SHC2: variants seen among roughly 807,000 people sequenced by gnomAD.
The protein encoded by SHC2 is SHC-transforming protein 2.
In SHC2, 62 loss-of-function variants were observed where a neutral mutation model predicts 60.6. The ratio of observed to expected loss-of-function variants is 1.02; its 90% CI spans 0.83 to 1.26. The LOEUF is 1.26. Ranked by LOEUF, SHC2 falls within the 50% of genes most tolerant of loss-of-function variation. The pLI is 0.00. For missense variants in SHC2, 873 were observed against 822.2 expected (o/e 1.06, Z -0.76); for synonymous variants, 375 against 372.4 (o/e 1.01, Z -0.08).
In SHC2 at chr19:453,396, C is replaced by G. The variant is rs1276550479; in HGVS notation, c.468+7133G>C. 6.6e-6 allele frequency among the ~76,000 whole-genome samples: 1 copy of G among 152,132 alleles called. No individual in the cohort carries two copies. The highest frequency in any genetic ancestry group is 2.4e-5 in the African/African-American group (1 of 41,418). Reference sequence around the variant, plus strand: ...GTGCTCCTCCTGCCTCAGTCTCCCACATAGCCGGGACCACAGGTGTGCACC... The same window carrying G: ...GTGCTCCTCCTGCCTCAGTCTCCCAGATAGCCGGGACCACAGGTGTGCACC... On this transcript the variant is annotated intron_variant, in intron 1 of 12. Transcript: ENST00000264554. This position sits in a 1 kb window ranked among gnomAD's most constrained non-coding sequence, Gnocchi z 6.3.
At chr19:427,770 C>G (rs1176518247) in intron 9 of SHC2, among the ~76,000 whole-genome samples, 1 of 74,432 alleles carries the variant, frequency 1.3e-5, no homozygotes, top group African/African-American at 6.0e-5. Context: ...GAATTGCGCA[C>G]GGCACAGGTA....
rs1281304922 is a variant in SHC2 at position 440,096 on chromosome 19, G to GCTCAGTGAGAGACGCCATA, written c.539+765_539+766insTATGGCGTCTCTCACTGAG. On this transcript the variant is annotated intron_variant, in intron 2 of 12. Transcript: ENST00000264554. This position sits in a 1 kb window ranked among gnomAD's most constrained non-coding sequence, Gnocchi z 7.0. ...CGCGGACACACCTCGGGAACGCCAT[G>GCTCAGTGAGAGACGCCATA]CTCAGTGAGAGACGCCAGACACACG... is the stretch of plus-strand genomic sequence containing the variant. Among the ~76,000 whole-genome samples the GCTCAGTGAGAGACGCCATA allele has an allele frequency of 6.6e-6, 1 of 151,520 alleles. No individual in the cohort carries two copies. Among genetic ancestry groups the GCTCAGTGAGAGACGCCATA allele is most frequent in the East Asian group, 1.9e-4 (1 of 5,168 alleles).
At chr19:429,241 G>T (rs1426898764) in intron 9 of SHC2, among the ~76,000 whole-genome samples, 6 of 145,050 alleles carry the variant, frequency 4.1e-5, no homozygotes, top group African/African-American at 1.5e-4. Flanking sequence ...GGATGACACA[G>T]TACCTATACC....
intron 9 of SHC2, 94 bp downstream of exon 9, chr19:430,590 G>T: frequency 1.1e-6 from 1 of 922,564 alleles, no homozygotes; most frequent in Non-Finnish European, 1.7e-6. Flanking sequence ...GAAATAAGCA[G>T]AGAGGAGAAA....
intron 7 of SHC2, chr19:435,799 C>T (rs1974700948): frequency 4.4e-6 from 1 of 225,236 alleles, no homozygotes. Context: ...TACCAGCACA[C>T]AGACACGTCC....
In SHC2 at chr19:440,773, C is replaced by A; in HGVS notation, c.539+89G>T. 8.6e-7 allele frequency: 1 copy of A among 1,161,918 alleles called. No homozygotes were observed. Among genetic ancestry groups the A allele is most frequent in the Non-Finnish European group, 1.3e-6 (1 of 777,220 alleles). The allele number at this position is 1,161,918 out of a possible 1,614,324, so 72.0% of individuals were successfully genotyped here. A position where few individuals can be genotyped will look rare whatever the true frequency, so the allele number is the denominator to read the frequency against. On this transcript the variant is annotated intron_variant, in intron 2 of 12. Transcript: ENST00000264554. This position sits in a 1 kb window ranked among gnomAD's most constrained non-coding sequence, Gnocchi z 7.0. The stretch of plus-strand genomic sequence containing the variant: ...CGTCCTGGGACCCCAGCGCGGCTGT[C>A]GGAGAGCCCATCGCTGCCGCCCTCC...
intron 1 of SHC2, among the ~76,000 whole-genome samples, chr19:442,292 G>A (rs372152085): frequency 6.6e-6 from 1 of 150,638 alleles, no homozygotes; most frequent in South Asian, 2.1e-4. Flanking sequence ...TGGATGGATG[G>A]GTAGATGGAT....
In SHC2 at chr19:441,610, G is replaced by A. The variant is rs886530699; in HGVS notation, c.469-678C>T. The stretch of plus-strand genomic sequence containing the variant: ...AGGGAGGGTAAGGGGCACAGCCCAC[G>A]TCATCTCTATGAAATGTCCTACAGA... On this transcript the variant is annotated intron_variant, in intron 1 of 12. Coordinates refer to ENST00000264554, the MANE Select transcript of SHC2 (RefSeq NM_012435.3). This position sits in a 1 kb window ranked among gnomAD's most constrained non-coding sequence, Gnocchi z 4.9. Among the ~76,000 whole-genome samples, 12 of 152,182 alleles carry A rather than the reference G, an allele frequency of 7.9e-5. No individual in the cohort carries two copies. The highest frequency in any genetic ancestry group is 1.0e-4 in the Non-Finnish European group (7 of 68,040).
chr19:429,766 G>A (rs567105402), intron 9 of SHC2, among the ~76,000 whole-genome samples: 119 of 148,716 alleles, frequency 8.0e-4, no homozygotes, highest in African/African-American at 2.8e-3. Context: ...ACCTAACACC[G>A]TGTGGATGAC....
intron 11 of SHC2, among the ~76,000 whole-genome samples, chr19:421,609 T>C (rs1052171779): frequency 6.6e-6 from 1 of 152,006 alleles, no homozygotes; most frequent in South Asian, 2.1e-4. Flanking sequence ...GTAAGGTGCA[T>C]AAGTCATGAT....
intron 1 of SHC2, among the ~76,000 whole-genome samples, chr19:455,103 T>G (rs1217322069): frequency 1.3e-5 from 2 of 152,232 alleles, no homozygotes; most frequent in Non-Finnish European, 2.9e-5. Context: ...GGCCTCATTT[T>G]GGGGTTCCAG....
rs1013079954 is a variant in SHC2 at position 438,416 on chromosome 19, C to T, written c.720+302G>A. On this transcript the variant is annotated intron_variant, in intron 4 of 12. Coordinates refer to ENST00000264554, the MANE Select transcript of SHC2 (RefSeq NM_012435.3). The surrounding 1 kb of genome is among the most constrained non-coding windows in gnomAD (Gnocchi z 5.0). ...TCCCCAGGCACTGTGGATGTTGGGACGGACCACTCTCTGGGGTGGGGCGTC... is the reference window on the plus strand; with the variant it reads ...TCCCCAGGCACTGTGGATGTTGGGATGGACCACTCTCTGGGGTGGGGCGTC... Among the ~76,000 whole-genome samples, 5 of 152,328 alleles carry T rather than the reference C, an allele frequency of 3.3e-5. No individual in the cohort carries two copies. The highest frequency in any genetic ancestry group is 1.9e-4 in the East Asian group (1 of 5,178).
intron 5 of SHC2, 85 bp from the exon 6 acceptor site, chr19:436,516 G>A (rs1319073767): frequency 5.7e-6 from 9 of 1,588,008 alleles, no homozygotes; most frequent in Non-Finnish European, 7.7e-6. Flanking sequence ...CAGAGAGATG[G>A]GGCAGTGGAT....
At chr19:437,811 G>C (rs1476931680) in intron 4 of SHC2, among the ~76,000 whole-genome samples, 2 of 151,992 alleles carry the variant, frequency 1.3e-5, no homozygotes, top group Non-Finnish European at 2.9e-5. Flanking sequence ...TCTCCGACAA[G>C]GCGATGCCTC....
rs1008315596 is a variant in SHC2, at chr19:440,713, G to A, written c.539+149C>T. ...CGTGGGGACAGGGCGGAGACGTGGC[G>A]TGAAGTGGGAGGGAGGTGGGGGGCA... On this transcript the variant is annotated intron_variant, in intron 2 of 12. Transcript: ENST00000264554. The surrounding 1 kb of genome is among the most constrained non-coding windows in gnomAD (Gnocchi z 7.0). The A allele has an allele frequency of 5.8e-6, 4 of 686,202 alleles. No individual in the cohort carries two copies. The highest frequency in any genetic ancestry group is 1.7e-5 in the South Asian group (1 of 60,566). The allele number at this position is 686,202 out of a possible 1,614,324, so 42.5% of individuals were successfully genotyped here.
intron 11 of SHC2, among the ~76,000 whole-genome samples, chr19:420,855 A>T (rs777830513): frequency 7.7e-5 from 11 of 142,594 alleles, no homozygotes; most frequent in Admixed American, 2.8e-4. Context: ...TTCGAGACCA[A>T]CCTGGCCAAC....
In SHC2 at chr19:441,110, C is replaced by T; in HGVS notation, c.469-178G>A. ...CTCAAGGCCCAGCCTTGACACTGTC[C>T]TGCGAGCCGCCCCCTCTGACTCCAG... On this transcript the variant is annotated intron_variant, in intron 1 of 12. Coordinates refer to ENST00000264554, the MANE Select transcript of SHC2 (RefSeq NM_012435.3). This position sits in a 1 kb window ranked among gnomAD's most constrained non-coding sequence, Gnocchi z 4.9. 1 of 984,906 alleles carries T rather than the reference C, an allele frequency of 1.0e-6. No homozygotes were observed. Among genetic ancestry groups the T allele is most frequent in the African/African-American group, 1.7e-5 (1 of 57,228 alleles). The allele number at this position is 984,906 out of a possible 1,614,324, so 61.0% of individuals were successfully genotyped here.
At chr19:456,771 C>G (rs1256086504) in intron 1 of SHC2, among the ~76,000 whole-genome samples, 1 of 144,976 alleles carries the variant, frequency 6.9e-6, no homozygotes, top group African/African-American at 2.5e-5. Context: ...TGCTGTGCCC[C>G]GTCTAGAACT....
chr19:442,943 G>GTGGATAGA (rs1568292950), intron 1 of SHC2, among the ~76,000 whole-genome samples: 2 of 102,856 alleles, frequency 1.9e-5, no homozygotes, highest in Non-Finnish European at 4.0e-5. Context: ...GGATGGGTGG[G>GTGGATAGA]TGAATGGATG....
Sources: gnomAD v4.1 joint callset for allele counts (sites outside exome capture counted in the v4.1 genomes callset) on GRCh38, gnomAD v4.1.1 for gene constraint, Gnocchi (gnomAD v3.1) non-coding constraint, MANE v1.5 for transcripts, NCBI Gene and HGNC (gene_info 2026-07-23, HGNC 2026-07-21) for gene names.